OR2I1: variants seen among roughly 807,000 people sequenced by gnomAD.
OR2I1 encodes olfactory receptor family 2 subfamily I member 1 (gene/pseudogene).
the OR2I1 span, chr6:29,552,979 GGTGATCATTCTGCCTACCGA>G: frequency 2.8e-6 from 1 of 357,272 alleles, no homozygotes. Flanking sequence ...AAACAACGGA[GGTGATCATTCTGCCTACCGA>G]GTGTTGGCCA....
chr6:29,551,703 T>G, the OR2I1 span, among the ~76,000 whole-genome samples: 1 of 152,228 alleles, frequency 6.6e-6, no homozygotes, highest in African/African-American at 2.4e-5. Flanking sequence ...GCTTTTCATA[T>G]TTAGCCCACT....
At chr6:29,553,401 C>T in the OR2I1 span, 1 of 398,898 alleles carries the variant, frequency 2.5e-6, no homozygotes, top group Non-Finnish European at 4.4e-6. Flanking sequence ...TGTACTACTT[C>T]CTCTGCCACC....
the OR2I1 span, chr6:29,557,740 C>T: frequency 6.6e-6 from 1 of 152,180 alleles, no homozygotes; most frequent in Non-Finnish European, 1.5e-5. Flanking sequence ...AGACTATAAC[C>T]TTTCATAAGA....
the OR2I1 span, chr6:29,553,621 G>A: frequency 7.5e-6 from 3 of 398,278 alleles, no homozygotes; most frequent in East Asian, 1.1e-4. Context: ...TGCGGGGCTC[G>A]TCTCCCCGCG....
chr6:29,553,476 A>T, the OR2I1 span: 1 of 398,694 alleles, frequency 2.5e-6, no homozygotes, highest in African/African-American at 2.1e-5. Context: ...ACCTGCGCGG[A>T]CCAGCGCTCT....
chr6:29,555,882 A>G, the OR2I1 span: 1 of 1,612,142 alleles, frequency 6.2e-7, no homozygotes, highest in Admixed American at 1.7e-5. Context: ...CAGGGTGGTC[A>G]CCCTCCAATA....
chr6:29,556,134 T>C, the OR2I1 span: 1 of 1,613,152 alleles, frequency 6.2e-7, no homozygotes, highest in Non-Finnish European at 8.5e-7. Flanking sequence ...TCACTGGGCT[T>C]CACCACTTTC....
chr6:29,553,426 G>A, the OR2I1 span: 4 of 398,754 alleles, frequency 1.0e-5, no homozygotes, highest in African/African-American at 2.1e-5. Context: ...CTTGGTAGAC[G>A]CGGGCTTCAC....
At chr6:29,555,731 A>G in the OR2I1 span, 4 of 619,670 alleles carry the variant, frequency 6.5e-6, 1 homozygote, top group South Asian at 4.1e-5. Context: ...GTTGGGCAAT[A>G]TACTTCATCC....
At chr6:29,551,653 G>A in the OR2I1 span, among the ~76,000 whole-genome samples, 1 of 151,470 alleles carries the variant, frequency 6.6e-6, no homozygotes, top group African/African-American at 2.4e-5. Context: ...ATTAAAGGAT[G>A]ACAGTTAACA....
chr6:29,553,355 T>G, the OR2I1 span: 1 of 399,388 alleles, frequency 2.5e-6, no homozygotes, highest in African/African-American at 2.0e-5. Context: ...GCGCTGGTGC[T>G]GCTGGCGGTG....
chr6:29,556,269 C>T, the OR2I1 span: 2 of 1,613,078 alleles, frequency 1.2e-6, no homozygotes, highest in Non-Finnish European at 1.7e-6. Flanking sequence ...TTAGACCGGA[C>T]ATGTTCTTTG....
the OR2I1 span, chr6:29,553,911 C>T: frequency 5.0e-6 from 2 of 398,608 alleles, no homozygotes; most frequent in African/African-American, 2.1e-5. Context: ...TGCGGTTCAG[C>T]GGAGGCCGGA....
the OR2I1 span, chr6:29,554,430 T>C: frequency 0.47 from 149,063 of 315,400 alleles, 36,437 homozygotes; most frequent in South Asian, 0.61. Context: ...ATGGACGTGA[T>C]GCTCGCCTTT....
At chr6:29,556,256 G>T in the OR2I1 span, 2 of 1,613,064 alleles carry the variant, frequency 1.2e-6, no homozygotes, top group Non-Finnish European at 1.7e-6. Context: ...AGGAACCTTG[G>T]TCTTAGACCG....
the OR2I1 span, among the ~76,000 whole-genome samples, chr6:29,551,022 C>G: frequency 6.6e-6 from 1 of 152,198 alleles, no homozygotes; most frequent in African/African-American, 2.4e-5. Context: ...CAGGTGCACA[C>G]ATGCCTATGT....
chr6:29,550,727 T>G, the OR2I1 span: 2 of 152,226 alleles, frequency 1.3e-5, no homozygotes, highest in African/African-American at 4.8e-5. Flanking sequence ...AACACAGCTA[T>G]GCAATTGCAT....
At chr6:29,553,686 T>G in the OR2I1 span, 2 of 398,410 alleles carry the variant, frequency 5.0e-6, no homozygotes, top group Admixed American at 8.8e-5. Flanking sequence ...CCAACTCGGT[T>G]GCGCAAACCG....
the OR2I1 span, chr6:29,554,294 A>G: frequency 5.0e-6 from 2 of 397,318 alleles, no homozygotes; most frequent in Non-Finnish European, 8.9e-6. Flanking sequence ...AAGGAGTCCA[A>G]TGGGGGATAT....
Sources: gnomAD v4.1 joint callset for allele counts (sites outside exome capture counted in the v4.1 genomes callset) on GRCh38, gnomAD v4.1.1 for gene constraint, MANE v1.5 for transcripts, NCBI Gene and HGNC (gene_info 2026-07-23, HGNC 2026-07-21) for gene names.